The following RALYL variants were observed in gnomAD, a reference collection of about 807,000 sequenced individuals.
RALYL encodes RNA-binding Raly-like protein.
RALYL carries 29 observed loss-of-function variants against 35.1 expected under a neutral mutation model. The ratio of observed to expected loss-of-function variants is 0.83; its 90% CI spans 0.61 to 1.13. RALYL has a LOEUF of 1.13. RALYL is among the 50% of genes most tolerant of loss of function. The pLI is 0.00. For synonymous variants in RALYL, 120 were observed against 127.6 expected, an observed-to-expected ratio of 0.94 and a Z score of 0.40; for missense variants, 359 against 360.4, an observed-to-expected ratio of 1.00 and a Z score of 0.03.
intron 2 of RALYL, among the ~76,000 whole-genome samples, chr8:84,589,925 T>A (rs184910763): frequency 3.9e-5 from 6 of 152,320 alleles, no homozygotes; most frequent in Admixed American, 3.9e-4. Context: ...CATGATAAAT[T>A]GATTGTGTTC....
chr8:84,611,501 G>A (rs919539251), intron 2 of RALYL, among the ~76,000 whole-genome samples: 1 of 152,046 alleles, frequency 6.6e-6, no homozygotes, highest in Non-Finnish European at 1.5e-5. Flanking sequence ...GAGACACTTA[G>A]AGATATGCGG....
At chr8:84,256,833 C>T (rs1169899393) in intron 1 of RALYL, among the ~76,000 whole-genome samples, 2 of 151,998 alleles carry the variant, frequency 1.3e-5, no homozygotes, top group Admixed American at 6.6e-5. Context: ...TTTACCCAGA[C>T]AGGTGAATGC....
At chr8:84,419,485 T>G (rs1041970779) in intron 1 of RALYL, among the ~76,000 whole-genome samples, 3 of 152,160 alleles carry the variant, frequency 2.0e-5, no homozygotes, top group African/African-American at 7.2e-5. Flanking sequence ...ATAATTTACT[T>G]GGCTAGTACT....
chr8:84,552,305 T>A (rs1282090030), intron 2 of RALYL, among the ~76,000 whole-genome samples: 2 of 147,636 alleles, frequency 1.4e-5, no homozygotes, highest in Non-Finnish European at 3.0e-5. Context: ...TCTGTTGTTT[T>A]ACCTATTGTG....
intron 1 of RALYL, among the ~76,000 whole-genome samples, chr8:84,428,201 A>G (rs780481309): frequency 3.3e-5 from 5 of 151,952 alleles, no homozygotes; most frequent in Non-Finnish European, 5.9e-5. Context: ...AACTCTATAG[A>G]ATATATAAAC....
intron 1 of RALYL, among the ~76,000 whole-genome samples, chr8:84,468,553 C>G (rs1202767101): frequency 6.7e-6 from 1 of 148,824 alleles, no homozygotes; most frequent in African/African-American, 2.4e-5. Context: ...GTAACCCGAC[C>G]TTTCTCTCTG....
At chr8:84,193,149 T>A (rs2130897299) in intron 1 of RALYL, among the ~76,000 whole-genome samples, 1 of 152,152 alleles carries the variant, frequency 6.6e-6, no homozygotes, top group East Asian at 1.9e-4. Flanking sequence ...ATCTTGAAGA[T>A]ATGGAGACAA....
intron 1 of RALYL, among the ~76,000 whole-genome samples, chr8:84,385,741 G>C (rs962095311): frequency 2.0e-5 from 3 of 151,708 alleles, no homozygotes; most frequent in Non-Finnish European, 4.4e-5. Flanking sequence ...CACCTGACAG[G>C]GCTAGCTAGC....
rs1287090567 is a variant in RALYL at position 84,815,442 on chromosome 8, T to TG, written c.365+10640_365+10641insG. Among the ~76,000 whole-genome samples the TG allele has an allele frequency of 1.8e-4, 27 of 148,014 alleles. No individual in the cohort carries two copies. The South Asian group carries it at 5.7e-3, about 31-fold the overall frequency. ...TATTTATTAAATATATTTAAATTTATTATAAATACATAATACTGAATGTTT... is the reference window on the plus strand; with the variant it reads ...TATTTATTAAATATATTTAAATTTATGTATAAATACATAATACTGAATGTTT... On this transcript the variant is annotated intron_variant, in intron 4 of 8. Coordinates refer to ENST00000521268, the MANE Select transcript of RALYL (RefSeq NM_173848.7).
intron 1 of RALYL, among the ~76,000 whole-genome samples, chr8:84,515,633 C>T (rs1248109734): frequency 3.9e-5 from 6 of 152,090 alleles, no homozygotes; most frequent in African/African-American, 1.4e-4. Context: ...TACATAGTCT[C>T]TTCTATTTGA....
intron 4 of RALYL, among the ~76,000 whole-genome samples, chr8:84,846,983 C>T (rs1044534813): frequency 6.6e-5 from 10 of 152,182 alleles, no homozygotes; most frequent in African/African-American, 2.4e-4. Context: ...TTTTTTTCTT[C>T]TGCTAACTTC....
intron 7 of RALYL, among the ~76,000 whole-genome samples, chr8:84,878,021 T>C (rs1206034590): frequency 6.6e-6 from 1 of 152,068 alleles, no homozygotes; most frequent in Admixed American, 6.6e-5. Flanking sequence ...ATTTAGCACA[T>C]CCTAGAAATC....
rs575957337 is a variant in RALYL, at chr8:84,323,269, A to G, written c.-24+138845A>G. On this transcript the variant is annotated intron_variant, in intron 1 of 8. Transcript: ENST00000521268. ...TAGGAAAAGCTCATAAATATATTGC[A>G]TATAAAATTAAGTATATTTTATACA... Among the ~76,000 whole-genome samples, 11 of 152,208 alleles carry G rather than the reference A, an allele frequency of 7.2e-5. No homozygotes were observed. The South Asian group carries it at 2.3e-3, about 32-fold the overall frequency.
chr8:84,675,890 TA>T (rs1211954035), intron 2 of RALYL, among the ~76,000 whole-genome samples: 1 of 152,036 alleles, frequency 6.6e-6, no homozygotes, highest in Non-Finnish European at 1.5e-5. Flanking sequence ...TTTGTACAAA[TA>T]AAAAGGGGGA....
At chr8:84,799,664 A>C (rs1389899837) in intron 3 of RALYL, among the ~76,000 whole-genome samples, 1 of 152,216 alleles carries the variant, frequency 6.6e-6, no homozygotes, top group African/African-American at 2.4e-5. Flanking sequence ...AGAGCAAAAT[A>C]AGCGAGGAAG....
At chr8:84,667,399 A>T (rs544229131) in intron 2 of RALYL, among the ~76,000 whole-genome samples, 1 of 152,074 alleles carries the variant, frequency 6.6e-6, no homozygotes, top group African/African-American at 2.4e-5. Flanking sequence ...TTAAGTGGTT[A>T]TTTTCTTTTA....
At chr8:84,434,050 C>G (rs1276006905) in intron 1 of RALYL, among the ~76,000 whole-genome samples, 1 of 151,906 alleles carries the variant, frequency 6.6e-6, no homozygotes, top group East Asian at 1.9e-4. Context: ...CTTAAAACAA[C>G]AAAAATGCAT....
chr8:84,532,137 GA>G (rs1405264010), intron 2 of RALYL, among the ~76,000 whole-genome samples: 5 of 151,936 alleles, frequency 3.3e-5, no homozygotes, highest in African/African-American at 1.2e-4. Context: ...TGTCCAAGCT[GA>G]ATGACTTCAT....
At chr8:84,913,211 T>G (rs972701255) in intron 8 of RALYL, among the ~76,000 whole-genome samples, 1 of 152,002 alleles carries the variant, frequency 6.6e-6, no homozygotes, top group African/African-American at 2.4e-5. Context: ...AAGTTCAGTC[T>G]AGTCATCATG....
Sources: gnomAD v4.1 joint callset for allele counts (sites outside exome capture counted in the v4.1 genomes callset) on GRCh38, gnomAD v4.1.1 for gene constraint, MANE v1.5 for transcripts, NCBI Gene and HGNC (gene_info 2026-07-23, HGNC 2026-07-21) for gene names.